Variants in ACVR2B observed in about 807,000 individuals in gnomAD.
ACVR2B encodes the protein activin A receptor type 2B, also known as activin receptor type-2B.
Under a neutral mutation model 65.1 loss-of-function variants are expected in ACVR2B, and 18 were observed. The ratio of observed to expected loss-of-function variants is 0.28; its 90% CI spans 0.19 to 0.41. ACVR2B has a LOEUF of 0.41. ACVR2B is among the 10% of genes least tolerant of loss of function. The pLI, the probability that ACVR2B is intolerant of heterozygous loss-of-function variation, is 1.00. For missense variants in ACVR2B, 482 were observed against 682.7 expected (o/e 0.71, Z 3.28); for synonymous variants, 298 against 277.7 (o/e 1.07, Z -0.73).
chr3:38,454,110 C>T lies in ACVR2B; in HGVS notation c.-213C>T, dbSNP rs1226218431. 2 of 182,172 alleles carry T rather than the reference C, an allele frequency of 1.1e-5. No individual in the cohort carries two copies. The highest frequency in any genetic ancestry group is 2.1e-5 in the Non-Finnish European group (2 of 94,780). 11.3% of individuals were successfully genotyped at this position (182,172 alleles called of 1,614,324 possible). ...GCCCCGGAGCCCGGGCCGCAGCCTG[C>T]GCCGCCCGCAGCGGCCCTGAGCCCG... On this transcript the variant is annotated 5_prime_UTR_variant, in exon 1 of 11. Coordinates refer to ENST00000352511, the MANE Select transcript of ACVR2B (RefSeq NM_001106.4).
intron 9 of ACVR2B, 28 bp downstream of exon 9, chr3:38,482,364 C>G (rs775292498): frequency 6.2e-7 from 1 of 1,609,690 alleles, no homozygotes; most frequent in East Asian, 2.2e-5. Flanking sequence ...CCTGGGCATC[C>G]TAGATTGAGT....
At chr3:38,474,250 C>T (rs557752076) in intron 1 of ACVR2B, 2 of 152,470 alleles carry the variant, frequency 1.3e-5, no homozygotes, top group South Asian at 4.1e-4. Context: ...TGGGTACTGC[C>T]CATGGTAGTG....
intron 1 of ACVR2B, among the ~76,000 whole-genome samples, chr3:38,465,643 A>G (rs1709715579): frequency 6.6e-6 from 1 of 152,210 alleles, no homozygotes; most frequent in African/African-American, 2.4e-5. Context: ...ACAGGCAGAA[A>G]GATGGATAAT....
chr3:38,471,904 G>A (rs1357366295), intron 1 of ACVR2B, among the ~76,000 whole-genome samples: 1 of 152,194 alleles, frequency 6.6e-6, no homozygotes, highest in African/African-American at 2.4e-5. Context: ...TATCAACCTG[G>A]ATGGCTTACA....
rs2125728630 is a variant in ACVR2B, at chr3:38,485,558, T to A, written c.*2226T>A. 1 of 152,318 alleles carries A rather than the reference T, an allele frequency of 6.6e-6. No homozygotes were observed. Among genetic ancestry groups the A allele is most frequent in the East Asian group, 1.9e-4 (1 of 5,168 alleles). 9.4% of individuals were successfully genotyped at this position (152,318 alleles called of 1,614,324 possible). On this transcript the variant is annotated 3_prime_UTR_variant, in exon 11 of 11. Transcript: ENST00000352511. Reference sequence around the variant, plus strand: ...CTCTGGGTGTTGGGGCACAGGGTGCTATGGGAGGCCCATTTGCTTCCCTCT... The same window carrying A: ...CTCTGGGTGTTGGGGCACAGGGTGCAATGGGAGGCCCATTTGCTTCCCTCT...
rs1477495263 is a variant in ACVR2B at position 38,485,746 on chromosome 3, T to A, written c.*2414T>A. 6.7e-6 allele frequency: 1 copy of A among 149,666 alleles called. No individual in the cohort carries two copies. The highest frequency in any genetic ancestry group is 1.5e-5 in the Non-Finnish European group (1 of 67,488). 9.3% of individuals were successfully genotyped at this position (149,666 alleles called of 1,614,324 possible). A position where few individuals can be genotyped will look rare whatever the true frequency, so the allele number is the denominator to read the frequency against. ...TTTTTTCCCTTAGAATAATTTTTAA[T>A]GGCAAAACAGGCCTTACAGCAGTTG... On this transcript the variant is annotated 3_prime_UTR_variant, in exon 11 of 11. Transcript: ENST00000352511.
At position 38,483,438 on chromosome 3, in the gene ACVR2B, G is replaced by T. The variant is rs555666683; in HGVS notation, c.*106G>T. The T allele has an allele frequency of 6.2e-4, 572 of 922,470 alleles. No individual in the cohort carries two copies. Among genetic ancestry groups the T allele is most frequent in the Middle Eastern group, 1.4e-3 (6 of 4,272 alleles). 57.1% of individuals were successfully genotyped at this position (922,470 alleles called of 1,614,324 possible). On this transcript the variant is annotated 3_prime_UTR_variant, in exon 11 of 11. Coordinates refer to ENST00000352511, the MANE Select transcript of ACVR2B (RefSeq NM_001106.4). The surrounding 1 kb of genome is among the most constrained non-coding windows in gnomAD (Gnocchi z 4.8). ...CATAAAACCAACAAACACATAAAAT[G>T]CAGCTGCTATTTTACCTTGACTTTT...
chr3:38,483,315 A>G lies in ACVR2B; in HGVS notation c.1522A>G (p.Lys508Glu), dbSNP rs1273939507. ...TSVTNVDLPP[K>E]ESSI ...TGTCACCAATGTGGACCTGCCCCCT[A>G]AAGAGTCAAGCATCTAAGCCCAGGA... The change falls in exon 11 of 11, where the codon AAA (lysine) becomes GAA (glutamate). Residue 508 changes from lysine to glutamate, a missense_variant. Physicochemically the swap from Lys to Glu is moderately conservative, Grantham distance 56. This residue lies in a region of ACVR2B where 38 missense variants were observed against 29.3 expected (regional missense o/e 1.30). Transcript: ENST00000352511. This position sits in a 1 kb window ranked among gnomAD's most constrained non-coding sequence, Gnocchi z 4.8. 7 of 1,614,096 alleles carry G rather than the reference A, an allele frequency of 4.3e-6. No homozygotes were observed. The highest frequency in any genetic ancestry group is 1.6e-4 in the Middle Eastern group (1 of 6,062).
chr3:38,487,044 G>GT lies in ACVR2B; in HGVS notation c.*3713dup, dbSNP rs1309836713. The GT allele has an allele frequency of 6.6e-6, 1 of 152,526 alleles. No homozygotes were observed. Among genetic ancestry groups the GT allele is most frequent in the East Asian group, 1.9e-4 (1 of 5,188 alleles). The allele number at this position is 152,526 out of a possible 1,614,324, so 9.4% of individuals were successfully genotyped here. ...CAGGGGCAAGGGCTGCAAGTGGGCTGTGCTTAGGAGAAAGTGACACCTGGC... is the reference window on the plus strand; with the variant it reads ...CAGGGGCAAGGGCTGCAAGTGGGCTGTTGCTTAGGAGAAAGTGACACCTGGC... On this transcript the variant is annotated 3_prime_UTR_variant, in exon 11 of 11. Transcript: ENST00000352511.
At chr3:38,473,706 G>A (rs1043032565) in intron 1 of ACVR2B, 5 of 152,310 alleles carry the variant, frequency 3.3e-5, no homozygotes, top group Non-Finnish European at 7.3e-5. Context: ...GATGGTTGTG[G>A]CTGTAATATA....
At position 38,454,390 on chromosome 3, in the gene ACVR2B, G is replaced by T; in HGVS notation, c.52+16G>T. On this transcript the variant is annotated intron_variant, in intron 1 of 10. Coordinates refer to ENST00000352511, the MANE Select transcript of ACVR2B (RefSeq NM_001106.4). ...CTGTGCGCCGGTAAGAACTGGGCGCGGCGCGGGGACGCCGAGAGGGCGCGC... is the reference window on the plus strand; with the variant it reads ...CTGTGCGCCGGTAAGAACTGGGCGCTGCGCGGGGACGCCGAGAGGGCGCGC... 8.0e-7 allele frequency: 1 copy of T among 1,249,382 alleles called. No individual in the cohort carries two copies. Among genetic ancestry groups the T allele is most frequent in the South Asian group, 3.2e-5 (1 of 31,422 alleles). The allele number at this position is 1,249,382 out of a possible 1,614,324, so 77.4% of individuals were successfully genotyped here. A position where few individuals can be genotyped will look rare whatever the true frequency, so the allele number is the denominator to read the frequency against.
intron 1 of ACVR2B, among the ~76,000 whole-genome samples, chr3:38,457,606 A>C (rs1709571274): frequency 6.6e-6 from 1 of 152,218 alleles, no homozygotes; most frequent in Non-Finnish European, 1.5e-5. Flanking sequence ...TGTATCCTAC[A>C]AGAACTCCTG....
At position 38,454,157 on chromosome 3, in the gene ACVR2B, A is replaced by T; in HGVS notation, c.-166A>T. 2.7e-6 allele frequency: 1 copy of T among 365,714 alleles called. No homozygotes were observed. Among genetic ancestry groups the T allele is most frequent in the Non-Finnish European group, 4.0e-6 (1 of 247,640 alleles). The allele number at this position is 365,714 out of a possible 1,614,324, so 22.7% of individuals were successfully genotyped here. A position where few individuals can be genotyped will look rare whatever the true frequency, so the allele number is the denominator to read the frequency against. ...CCCGGCCCCGCCGACCGGCCCTTGG[A>T]GCCCGAACGCTGCTCGGGGACGAAG... On this transcript the variant is annotated 5_prime_UTR_variant, in exon 1 of 11. Transcript: ENST00000352511.
At chr3:38,467,147 G>C (rs1393431546) in intron 1 of ACVR2B, among the ~76,000 whole-genome samples, 1 of 152,124 alleles carries the variant, frequency 6.6e-6, no homozygotes, top group Non-Finnish European at 1.5e-5. Flanking sequence ...TAATTTTCAA[G>C]CTAAAAAAGA....
chr3:38,457,128 C>T (rs750588672), intron 1 of ACVR2B, among the ~76,000 whole-genome samples: 2 of 152,054 alleles, frequency 1.3e-5, no homozygotes, highest in African/African-American at 4.8e-5. Context: ...GGCATGAACC[C>T]GGGAGGTAGA....
intron 1 of ACVR2B, among the ~76,000 whole-genome samples, chr3:38,456,546 G>A (rs1361749348): frequency 6.6e-6 from 1 of 152,216 alleles, no homozygotes; most frequent in Non-Finnish European, 1.5e-5. Context: ...AAATACTGTA[G>A]ACTGGTGGCT....
At chr3:38,463,492 C>G (rs1709681924) in intron 1 of ACVR2B, among the ~76,000 whole-genome samples, 1 of 152,182 alleles carries the variant, frequency 6.6e-6, no homozygotes, top group Admixed American at 6.5e-5. Context: ...GCCTTGTTCC[C>G]TGTATAAGTC....
chr3:38,482,233 C>T lies in ACVR2B; in HGVS notation c.1110C>T (p.Leu370=), dbSNP rs777350236. The T allele has an allele frequency of 6.8e-6, 11 of 1,613,362 alleles. No individual in the cohort carries two copies. The East Asian group carries it at 1.3e-4, about 20-fold the overall frequency. The part of the protein sequence containing the change: ...GTRRYMAPEV[L]EGAINFQRDA... The stretch of plus-strand genomic sequence containing the variant: ...GACGGTACATGGCTCCTGAGGTGCT[C>T]GAGGGAGCCATCAACTTCCAGAGAG... Residue 370 remains leucine (L), a synonymous_variant, in exon 9 of 11, where the codon CTC becomes CTT. Coordinates refer to ENST00000352511, the MANE Select transcript of ACVR2B (RefSeq NM_001106.4).
intron 1 of ACVR2B, among the ~76,000 whole-genome samples, chr3:38,467,301 G>C (rs1187674341): frequency 6.6e-6 from 1 of 152,156 alleles, no homozygotes; most frequent in Non-Finnish European, 1.5e-5. Flanking sequence ...TACAAAATTA[G>C]CTAGGCATGG....
Sources: gnomAD v4.1 joint callset for allele counts (sites outside exome capture counted in the v4.1 genomes callset) on GRCh38, gnomAD v4.1.1 for gene constraint, gnomAD v4.1.1 regional missense constraint, Gnocchi (gnomAD v3.1) non-coding constraint, MANE v1.5 for transcripts, NCBI Gene and HGNC (gene_info 2026-07-23, HGNC 2026-07-21) for gene names.